Variants in DMXL2 observed in about 807,000 individuals in gnomAD.
DMXL2 encodes the protein dmX-like protein 2.
Under a neutral mutation model 331.1 loss-of-function variants are expected in DMXL2, and 103 were observed. That is an observed-to-expected ratio of 0.31 (90% CI 0.27 to 0.37). The LOEUF is 0.37. DMXL2 is among the 10% of genes least tolerant of loss of function. The pLI, the probability that DMXL2 is intolerant of heterozygous loss-of-function variation, is 1.00. For missense variants in DMXL2, 3,171 were observed against 3,642.9 expected, an observed-to-expected ratio of 0.87 and a Z score of 3.33; for synonymous variants, 1,281 against 1,252.1, an observed-to-expected ratio of 1.02 and a Z score of -0.49.
chr15:51,607,540 T>C (rs997523657), intron 1 of DMXL2, among the ~76,000 whole-genome samples: 1 of 152,140 alleles, frequency 6.6e-6, no homozygotes, highest in Non-Finnish European at 1.5e-5. Context: ...CTGAAACATA[T>C]TTATTTGTTT....
intron 21 of DMXL2, 25 bp downstream of exon 21, chr15:51,488,523 C>A: frequency 6.4e-7 from 1 of 1,566,422 alleles, no homozygotes; most frequent in South Asian, 1.1e-5. Context: ...TCTGTTGAAT[C>A]ACGTTAAGTG....
chr15:51,614,552 C>T (rs112349152), intron 1 of DMXL2, among the ~76,000 whole-genome samples: 5 of 152,124 alleles, frequency 3.3e-5, no homozygotes, highest in African/African-American at 4.8e-5. Flanking sequence ...AGCTCTCTGC[C>T]TTCATCGTAT....
chr15:51,455,078 C>T, intron 40 of DMXL2, 73 bp downstream of exon 40: 1 of 1,206,270 alleles, frequency 8.3e-7, no homozygotes, highest in Non-Finnish European at 1.2e-6. Context: ...CAATGAGATT[C>T]ACTGTCTGAA....
At chr15:51,592,735 G>A (rs1457290894) in intron 1 of DMXL2, among the ~76,000 whole-genome samples, 1 of 152,228 alleles carries the variant, frequency 6.6e-6, no homozygotes, top group Non-Finnish European at 1.5e-5. Flanking sequence ...CTCTACAAGA[G>A]CCAGAAGAGA....
rs2039019131 is a variant in DMXL2 at position 51,450,269 on chromosome 15, T to G, written c.8827A>C (p.Lys2943Gln). 6.2e-7 allele frequency: 1 copy of G among 1,614,028 alleles called. No homozygotes were observed. The highest frequency in any genetic ancestry group is 1.1e-5 in the South Asian group (1 of 91,058). ...ATGTCAAAAATGCAGACGTGTCCTT[T>G]CCTACCCCCCGAGATTAGGAGTTGC... ...KQQLLISGGR[K>Q]GHVCIFDIRQ... The change falls in exon 43 of 44, where the codon AAA becomes CAA. Residue 2943 changes from lysine to glutamine, a missense_variant. Transcript: ENST00000560891.
At chr15:51,568,898 C>A (rs2050470051) in intron 2 of DMXL2, among the ~76,000 whole-genome samples, 1 of 152,112 alleles carries the variant, frequency 6.6e-6, no homozygotes, top group South Asian at 2.1e-4. Flanking sequence ...GCATTTCCAA[C>A]TGAGGTACCA....
intron 15 of DMXL2, among the ~76,000 whole-genome samples, 161 bp downstream of exon 15, chr15:51,514,281 C>T (rs893061575): frequency 2.0e-5 from 3 of 152,146 alleles, no homozygotes; most frequent in Non-Finnish European, 2.9e-5. Context: ...TTTTCACCCA[C>T]AGCCCTCTTC....
chr15:51,542,391 G>A lies in DMXL2; in HGVS notation c.1047C>T (p.Ser349=). ...TAMHEVQRHI[S]HHANALCHFH... ...AATGACAGAGTGCATTTGCATGGTG[G>A]GAAATGTGTCTTTGAACTTCATGCA... The change falls in exon 9 of 44, where the codon TCC becomes TCT. Residue 349 remains serine, a synonymous_variant. Transcript: ENST00000560891. 6.2e-7 allele frequency: 1 copy of A among 1,613,800 alleles called. No homozygotes were observed. Among genetic ancestry groups the A allele is most frequent in the Non-Finnish European group, 8.5e-7 (1 of 1,179,832 alleles).
chr15:51,535,910 C>T, intron 12 of DMXL2, 126 bp from the exon 13 acceptor site: 4 of 1,124,738 alleles, frequency 3.6e-6, no homozygotes, highest in Non-Finnish European at 4.9e-6. Flanking sequence ...CATAATTAAA[C>T]AGGCACAATA....
At chr15:51,464,405 TCAAACAAA>T (rs553936824) in intron 32 of DMXL2, among the ~76,000 whole-genome samples, 18 of 152,074 alleles carry the variant, frequency 1.2e-4, no homozygotes, top group African/African-American at 3.9e-4. Context: ...GTCTCTTGTC[TCAAACAAA>T]CAAACAAACA....
intron 1 of DMXL2, among the ~76,000 whole-genome samples, chr15:51,594,909 T>C (rs2141267984): frequency 6.6e-6 from 1 of 152,314 alleles, no homozygotes; most frequent in South Asian, 2.1e-4. Flanking sequence ...TGATGGGTTG[T>C]ATGTCAAAAT....
intron 6 of DMXL2, among the ~76,000 whole-genome samples, chr15:51,552,334 T>C (rs929252896): frequency 6.6e-6 from 1 of 152,178 alleles, no homozygotes; most frequent in Non-Finnish European, 1.5e-5. Flanking sequence ...GGACATCACT[T>C]AAGAGACTAC....
intron 1 of DMXL2, among the ~76,000 whole-genome samples, chr15:51,607,940 C>T (rs1191780823): frequency 6.6e-6 from 1 of 152,130 alleles, no homozygotes; most frequent in Non-Finnish European, 1.5e-5. Flanking sequence ...AATCCCAGCA[C>T]TTTTGGAGGC....
At chr15:51,592,461 A>G (rs980328555) in intron 1 of DMXL2, among the ~76,000 whole-genome samples, 2 of 152,232 alleles carry the variant, frequency 1.3e-5, no homozygotes, top group African/African-American at 2.4e-5. Context: ...TGAAAGTGAC[A>G]GGGACAATGG....
At chr15:51,543,353 A>G (rs1268600816) in intron 8 of DMXL2, among the ~76,000 whole-genome samples, 2 of 152,206 alleles carry the variant, frequency 1.3e-5, no homozygotes, top group African/African-American at 2.4e-5. Flanking sequence ...TTAAAGTAAC[A>G]TAACTGGCAC....
intron 18 of DMXL2, among the ~76,000 whole-genome samples, chr15:51,495,582 G>A (rs993318304): frequency 1.3e-5 from 2 of 152,130 alleles, no homozygotes; most frequent in African/African-American, 4.8e-5. Flanking sequence ...TAAATTAACT[G>A]AAATATGGTA....
intron 16 of DMXL2, among the ~76,000 whole-genome samples, chr15:51,504,387 GATAGT>G (rs2043904288): frequency 6.6e-6 from 1 of 152,178 alleles, no homozygotes; most frequent in East Asian, 1.9e-4. Flanking sequence ...GAAAATTTAA[GATAGT>G]ATTAGTTGAC....
chr15:51,506,866 T>C (rs1019806460), intron 16 of DMXL2, among the ~76,000 whole-genome samples: 1 of 152,230 alleles, frequency 6.6e-6, no homozygotes, highest in Non-Finnish European at 1.5e-5. Context: ...ACAGTCATAA[T>C]GTACACTCAA....
At chr15:51,521,320 T>G (rs1037931996) in intron 13 of DMXL2, among the ~76,000 whole-genome samples, 13 of 151,952 alleles carry the variant, frequency 8.6e-5, no homozygotes, top group Admixed American at 5.3e-4. Flanking sequence ...AATATTACAT[T>G]TTTCTTAAGG....
Sources: allele counts gnomAD v4.1 joint callset (sites outside exome capture counted in the v4.1 genomes callset), GRCh38; gene constraint gnomAD v4.1.1; transcripts MANE v1.5; gene names NCBI Gene and HGNC (gene_info 2026-07-23, HGNC 2026-07-21).